NRXN3: variants seen among roughly 807,000 people sequenced by gnomAD.
The protein encoded by NRXN3 is neurexin 3.
A neutral mutation model predicts 137.6 loss-of-function variants in NRXN3; 32 were observed. That is an observed-to-expected ratio of 0.23 (90% CI 0.18 to 0.31). The LOEUF (loss-of-function observed/expected upper bound fraction) is 0.31. NRXN3 is among the 10% of genes least tolerant of loss of function. The pLI, the probability that NRXN3 is intolerant of heterozygous loss-of-function variation, is 1.00. For synonymous variants in NRXN3, 798 were observed against 784.5 expected (o/e 1.02, Z -0.29); for missense variants, 1,574 against 2,062.5 (o/e 0.76, Z 4.59).
At chr14:79,300,691 C>T (rs773873680) in intron 15 of NRXN3, among the ~76,000 whole-genome samples, 23 of 151,454 alleles carry the variant, frequency 1.5e-4, no homozygotes, top group Non-Finnish European at 2.4e-4. Flanking sequence ...AGAACACTTT[C>T]GCTGTATTCT....
chr14:79,096,156 G>A (rs1389379730), intron 15 of NRXN3, among the ~76,000 whole-genome samples: 1 of 150,600 alleles, frequency 6.6e-6, no homozygotes, highest in African/African-American at 2.4e-5. Context: ...CACCCAGGCT[G>A]GAGTGCAGTG....
intron 10 of NRXN3, among the ~76,000 whole-genome samples, chr14:78,838,927 G>A (rs2099004518): frequency 1.3e-5 from 2 of 152,094 alleles, no homozygotes; most frequent in African/African-American, 2.4e-5. Flanking sequence ...GGCATGCTGT[G>A]CTTCATACCC....
rs11335474 is a variant in NRXN3, at chr14:78,825,196, CAAAAAA to C, written c.2275+14868_2275+14873del. On this transcript the variant is annotated intron_variant, in intron 10 of 20. Coordinates refer to ENST00000335750, the MANE Select transcript of NRXN3 (RefSeq NM_001330195.2). ...TGCGTGACAGAGCGAGACTCTGCCT[CAAAAAA>C]AAAAAAAAAAAAAAAGAAAAAGAAA... 2.0e-4 allele frequency among the ~76,000 whole-genome samples: 15 copies of C among 75,812 alleles called. 1 individual carries two copies. The highest frequency in any genetic ancestry group is 3.4e-4 in the East Asian group (1 of 2,984). The allele number at this position is 75,812 out of a possible 152,430, so 49.7% of individuals were successfully genotyped here.
chr14:79,371,817 C>A (rs138435977), intron 15 of NRXN3, among the ~76,000 whole-genome samples: 3 of 152,028 alleles, frequency 2.0e-5, no homozygotes, highest in African/African-American at 7.2e-5. Flanking sequence ...AAATACCCAA[C>A]GATGCTGTTT....
At chr14:78,224,291 A>ATTT (rs1161024587) in intron 1 of NRXN3, among the ~76,000 whole-genome samples, 1 of 151,062 alleles carries the variant, frequency 6.6e-6, no homozygotes, top group Non-Finnish European at 1.5e-5. Context: ...TATTATTATT[A>ATTT]TACTTTAAGT....
intron 8 of NRXN3, among the ~76,000 whole-genome samples, chr14:78,751,352 A>G (rs746751534): frequency 9.8e-5 from 15 of 152,286 alleles, no homozygotes; most frequent in South Asian, 2.1e-4. Context: ...TAGCTAATTA[A>G]TTACAAATTG....
intron 15 of NRXN3, among the ~76,000 whole-genome samples, chr14:79,399,895 G>A (rs1226276756): frequency 6.6e-6 from 1 of 152,144 alleles, no homozygotes; most frequent in Non-Finnish European, 1.5e-5. Context: ...CCTAGCTTCT[G>A]GTGGCGGCCA....
At chr14:78,573,990 A>C (rs7140855) in intron 4 of NRXN3, among the ~76,000 whole-genome samples, 15 of 152,278 alleles carry the variant, frequency 9.9e-5, no homozygotes, top group Middle Eastern at 3.4e-3. Context: ...GTGCAGTCTC[A>C]GAACTTGGTG....
intron 10 of NRXN3, among the ~76,000 whole-genome samples, chr14:78,955,764 A>C (rs575687862): frequency 6.6e-6 from 1 of 152,214 alleles, no homozygotes; most frequent in Non-Finnish European, 1.5e-5. Flanking sequence ...CATAGCTCTT[A>C]TAACCAGCAG....
chr14:78,877,334 C>T (rs2152613652), intron 10 of NRXN3, among the ~76,000 whole-genome samples: 1 of 152,214 alleles, frequency 6.6e-6, no homozygotes. Context: ...TTCTGAAGGT[C>T]CCCATTCCAT....
At chr14:78,728,598 G>A (rs1256323652) in intron 8 of NRXN3, among the ~76,000 whole-genome samples, 4 of 152,130 alleles carry the variant, frequency 2.6e-5, no homozygotes, top group Non-Finnish European at 5.9e-5. Context: ...GACAAAACTG[G>A]ATTTGTGGGG....
intron 15 of NRXN3, among the ~76,000 whole-genome samples, chr14:79,016,943 G>A (rs925025329): frequency 6.6e-6 from 1 of 152,118 alleles, no homozygotes; most frequent in Non-Finnish European, 1.5e-5. Context: ...ATTTGGAGGA[G>A]AGAATGGGGA....
intron 16 of NRXN3, among the ~76,000 whole-genome samples, chr14:79,602,673 A>G (rs1392273404): frequency 1.3e-5 from 2 of 152,200 alleles, no homozygotes; most frequent in Non-Finnish European, 1.5e-5. Flanking sequence ...TTAAACACAT[A>G]CTTAACAAAA....
At chr14:79,542,905 A>G (rs1310315323) in intron 16 of NRXN3, among the ~76,000 whole-genome samples, 1 of 152,136 alleles carries the variant, frequency 6.6e-6, no homozygotes, top group Non-Finnish European at 1.5e-5. Flanking sequence ...AAAAAAAAGT[A>G]AAGTTTGATA....
At chr14:78,218,805 G>C (rs531196905) in intron 1 of NRXN3, among the ~76,000 whole-genome samples, 397 of 152,304 alleles carry the variant, frequency 2.6e-3, no homozygotes, top group Non-Finnish European at 4.0e-3. Flanking sequence ...TTCTGAAAGA[G>C]AGCCCCTCTG....
chr14:79,014,475 G>T (rs1206466642), intron 15 of NRXN3, among the ~76,000 whole-genome samples: 2 of 152,122 alleles, frequency 1.3e-5, no homozygotes, highest in African/African-American at 4.8e-5. Flanking sequence ...TGGCATATAT[G>T]TATCACATTT....
chr14:78,838,342 A>T (rs982846146), intron 10 of NRXN3, among the ~76,000 whole-genome samples: 2 of 152,194 alleles, frequency 1.3e-5, no homozygotes, highest in African/African-American at 4.8e-5. Flanking sequence ...TGTAACATTA[A>T]TTTCTACAGA....
chr14:78,644,755 T>C (rs1346185838), intron 4 of NRXN3, among the ~76,000 whole-genome samples: 1 of 152,216 alleles, frequency 6.6e-6, no homozygotes, highest in Non-Finnish European at 1.5e-5. Flanking sequence ...CTAAACCAGC[T>C]CTTCTACAAG....
intron 15 of NRXN3, among the ~76,000 whole-genome samples, chr14:79,086,397 T>C (rs909042085): frequency 2.0e-5 from 3 of 152,184 alleles, no homozygotes; most frequent in Non-Finnish European, 4.4e-5. Flanking sequence ...GCTTCCCTTG[T>C]AATTTCTTGA....
Sources: allele counts gnomAD v4.1 joint callset (sites outside exome capture counted in the v4.1 genomes callset), GRCh38; gene constraint gnomAD v4.1.1; transcripts MANE v1.5; gene names NCBI Gene and HGNC (gene_info 2026-07-23, HGNC 2026-07-21).